RPRD1B: variants seen among roughly 807,000 people sequenced by gnomAD.
RPRD1B encodes regulation of nuclear pre-mRNA domain-containing protein 1B.
In RPRD1B, 11 loss-of-function variants were observed where a neutral mutation model predicts 41.5. The ratio of observed to expected loss-of-function variants is 0.27; its 90% CI spans 0.17 to 0.44. RPRD1B has a LOEUF of 0.44. Among genes scored for constraint, RPRD1B ranks in the 20% least tolerant of loss-of-function variants. The probability of loss-of-function intolerance (pLI) is 1.00; values close to 1 mark genes in which losing one functional copy is unlikely to be tolerated. For missense variants in RPRD1B, 248 were observed against 389.9 expected (o/e 0.64, Z 3.06); for synonymous variants, 158 against 155.6 (o/e 1.02, Z -0.12).
intron 6 of RPRD1B, among the ~76,000 whole-genome samples, chr20:38,084,800 G>A (rs759068467): frequency 3.9e-5 from 6 of 152,128 alleles, no homozygotes; most frequent in Non-Finnish European, 7.3e-5. Context: ...ATAAATCCTA[G>A]GCTTTATCTC....
At position 38,059,611 on chromosome 20, in the gene RPRD1B, A is replaced by G. The variant is rs6126933; in HGVS notation, c.655+91A>G. ...GGCCATACTTAACGTCTGCAGGTAT[A>G]GACTACTTTCCATGTTGTATTGGTT... On this transcript the variant is annotated intron_variant, in intron 5 of 6. Coordinates refer to ENST00000373433, the MANE Select transcript of RPRD1B (RefSeq NM_021215.4). 3 of 1,255,832 alleles carry G rather than the reference A, an allele frequency of 2.4e-6. No homozygotes were observed. The East Asian group carries it at 7.9e-5, about 33-fold the overall frequency. 77.8% of individuals were successfully genotyped at this position (1,255,832 alleles called of 1,614,324 possible).
rs192117507 is a variant in RPRD1B, at chr20:38,071,293, C to T, written c.831+5037C>T. Among the ~76,000 whole-genome samples the T allele has an allele frequency of 2.5e-4, 38 of 152,354 alleles. No homozygotes were observed. In the East Asian group the frequency reaches 6.2e-3, roughly 25 times the overall value. On this transcript the variant is annotated intron_variant, in intron 6 of 6. Transcript: ENST00000373433. ...ATTTAGTACGTTCACAGTATTGTATCAAGTTCCAAAACATAATTGTGTCTG... is the reference window on the plus strand; with the variant it reads ...ATTTAGTACGTTCACAGTATTGTATTAAGTTCCAAAACATAATTGTGTCTG...
chr20:38,069,266 T>G (rs2074388329), intron 6 of RPRD1B, among the ~76,000 whole-genome samples: 1 of 152,348 alleles, frequency 6.6e-6, no homozygotes, highest in South Asian at 2.1e-4. Context: ...AGTAGGAGAT[T>G]GTGTTTCTTC....
At chr20:38,055,003 T>C (rs1032462635) in intron 3 of RPRD1B, among the ~76,000 whole-genome samples, 1 of 152,226 alleles carries the variant, frequency 6.6e-6, no homozygotes, top group Non-Finnish European at 1.5e-5. Flanking sequence ...ATTAAAAATA[T>C]AGCAATCTTT....
In RPRD1B at chr20:38,090,761, G is replaced by A. The variant is rs753301349; in HGVS notation, c.*886G>A. The A allele has an allele frequency of 1.1e-5, 11 of 985,394 alleles. No homozygotes were observed. Among genetic ancestry groups the A allele is most frequent in the Non-Finnish European group, 1.1e-5 (9 of 829,982 alleles). 61.0% of individuals were successfully genotyped at this position (985,394 alleles called of 1,614,324 possible). Reference sequence around the variant, plus strand: ...GGTGTGCTGCATTTGGGATCTGTGTGGGTGTTTCTTGGACCCTTTCTTCTG... The same window carrying A: ...GGTGTGCTGCATTTGGGATCTGTGTAGGTGTTTCTTGGACCCTTTCTTCTG... On this transcript the variant is annotated 3_prime_UTR_variant, in exon 7 of 7. Transcript: ENST00000373433.
At chr20:38,039,640 G>T (rs1259514997) in intron 1 of RPRD1B, among the ~76,000 whole-genome samples, 1 of 151,094 alleles carries the variant, frequency 6.6e-6, no homozygotes, top group Admixed American at 6.6e-5. Flanking sequence ...CCGACCTCAG[G>T]TGATCCGTCC....
At chr20:38,086,113 C>G (rs1313151510) in intron 6 of RPRD1B, among the ~76,000 whole-genome samples, 1 of 152,090 alleles carries the variant, frequency 6.6e-6, no homozygotes, top group Non-Finnish European at 1.5e-5. Context: ...CCTTGTCTAG[C>G]CTGGAGTCAC....
chr20:38,087,772 A>G (rs1017885580), intron 6 of RPRD1B, among the ~76,000 whole-genome samples: 5 of 152,170 alleles, frequency 3.3e-5, no homozygotes, highest in Non-Finnish European at 7.3e-5. Context: ...ATAGTTTTCA[A>G]CTTCAGGAAC....
intron 3 of RPRD1B, 137 bp downstream of exon 3, chr20:38,048,618 G>C: frequency 5.6e-6 from 8 of 1,436,430 alleles, no homozygotes; most frequent in Non-Finnish European, 7.4e-6. Context: ...CATGAATGAT[G>C]GTGAGAATTT....
intron 3 of RPRD1B, among the ~76,000 whole-genome samples, chr20:38,052,744 A>C (rs1763352313): frequency 6.9e-6 from 1 of 144,542 alleles, no homozygotes; most frequent in African/African-American, 2.6e-5. Context: ...ACTCGGACCA[A>C]ACGCGGTGTT....
At chr20:38,041,702 A>G (rs2074067853) in intron 2 of RPRD1B, among the ~76,000 whole-genome samples, 1 of 152,218 alleles carries the variant, frequency 6.6e-6, no homozygotes. Flanking sequence ...TCTGCCTCAG[A>G]CACTATGTGA....
At chr20:38,068,183 C>T (rs1302792733) in intron 6 of RPRD1B, among the ~76,000 whole-genome samples, 2 of 152,190 alleles carry the variant, frequency 1.3e-5, no homozygotes, top group African/African-American at 2.4e-5. Flanking sequence ...TTCCAGTCTG[C>T]GTTGCTCTGC....
chr20:38,073,139 T>C (rs1359408175), intron 6 of RPRD1B, among the ~76,000 whole-genome samples: 1 of 152,228 alleles, frequency 6.6e-6, no homozygotes, highest in African/African-American at 2.4e-5. Context: ...TTACACAGAA[T>C]AGTAGCCAAA....
chr20:38,069,146 G>A (rs1170304912), intron 6 of RPRD1B, among the ~76,000 whole-genome samples: 1 of 152,086 alleles, frequency 6.6e-6, no homozygotes. Context: ...TATGTAATAA[G>A]CATCTTTTTC....
At chr20:38,050,271 T>C (rs2074171809) in intron 3 of RPRD1B, among the ~76,000 whole-genome samples, 1 of 152,278 alleles carries the variant, frequency 6.6e-6, no homozygotes, top group African/African-American at 2.4e-5. Context: ...AGAGGCTTTC[T>C]GTGAATGACA....
chr20:38,071,301 A>G (rs2074410873), intron 6 of RPRD1B, among the ~76,000 whole-genome samples: 1 of 152,258 alleles, frequency 6.6e-6, no homozygotes, highest in Admixed American at 6.5e-5. Flanking sequence ...ATCAAGTTCC[A>G]AAACATAATT....
chr20:38,042,903 C>G (rs1356723127), intron 2 of RPRD1B, among the ~76,000 whole-genome samples: 1 of 152,176 alleles, frequency 6.6e-6, no homozygotes, highest in East Asian at 1.9e-4. Context: ...CTGCCAAGTT[C>G]ATAGGATAGA....
intron 1 of RPRD1B, among the ~76,000 whole-genome samples, chr20:38,038,379 G>C (rs181656240): frequency 1.3e-5 from 2 of 150,418 alleles, no homozygotes; most frequent in Non-Finnish European, 3.0e-5. Context: ...GCGCGATCTC[G>C]GCTCACTGCA....
At chr20:38,071,584 A>T (rs141163091) in intron 6 of RPRD1B, among the ~76,000 whole-genome samples, 1 of 152,220 alleles carries the variant, frequency 6.6e-6, no homozygotes, top group Non-Finnish European at 1.5e-5. Context: ...GTCATATGGT[A>T]ATTCTATGTA....
Sources: allele counts gnomAD v4.1 joint callset (sites outside exome capture counted in the v4.1 genomes callset), GRCh38; gene constraint gnomAD v4.1.1; transcripts MANE v1.5; gene names NCBI Gene and HGNC (gene_info 2026-07-23, HGNC 2026-07-21).